The following PDE4B variants were observed in gnomAD, a reference collection of about 807,000 sequenced individuals.
PDE4B encodes the protein 3',5'-cyclic-AMP phosphodiesterase 4B.
Under a neutral mutation model 82.2 loss-of-function variants are expected in PDE4B, and 20 were observed. The ratio of observed to expected loss-of-function variants is 0.24; its 90% CI spans 0.17 to 0.35. PDE4B has a LOEUF of 0.35. Among genes scored for constraint, PDE4B ranks in the 10% least tolerant of loss-of-function variants. The probability of loss-of-function intolerance (pLI) is 1.00; values close to 1 mark genes in which losing one functional copy is unlikely to be tolerated. For synonymous variants in PDE4B, 320 were observed against 318.9 expected (o/e 1.00, Z -0.04); for missense variants, 655 against 907.2 (o/e 0.72, Z 3.57).
chr1:65,854,409 C>T (rs545562342), intron 1 of PDE4B, among the ~76,000 whole-genome samples: 9 of 151,172 alleles, frequency 6.0e-5, no homozygotes, highest in East Asian at 3.9e-4. Flanking sequence ...CTTTCTTTAA[C>T]GTATCCTATA....
At chr1:65,815,021 TTTTATTTATTTATTTATTTA>T (rs138553972) in intron 1 of PDE4B, among the ~76,000 whole-genome samples, 155 of 145,186 alleles carry the variant, frequency 1.1e-3, no homozygotes, top group Middle Eastern at 7.1e-3. Flanking sequence ...TCAACACACA[TTTTATTTATTTATTTATTTA>T]TTTATTTATT....
intron 3 of PDE4B, among the ~76,000 whole-genome samples, chr1:65,994,500 A>G (rs990028722): frequency 3.6e-4 from 2 of 5,626 alleles, no homozygotes; most frequent in South Asian, 0.25. Flanking sequence ...CCTACTAATG[A>G]TGGTAACATT....
intron 3 of PDE4B, among the ~76,000 whole-genome samples, chr1:65,972,894 C>A (rs1650218115): frequency 6.6e-6 from 1 of 152,136 alleles, no homozygotes; most frequent in South Asian, 2.1e-4. Context: ...TTGGGCCATG[C>A]ATAGAGTTGA....
chr1:66,257,996 GA>G, intron 6 of PDE4B, 133 bp downstream of exon 6: 1 of 638,902 alleles, frequency 1.6e-6, no homozygotes, highest in East Asian at 2.7e-5. Context: ...AATAAAATTT[GA>G]AAACAGGATG....
chr1:66,005,255 T>A (rs1557491338), intron 3 of PDE4B, among the ~76,000 whole-genome samples: 1 of 150,744 alleles, frequency 6.6e-6, no homozygotes, highest in Non-Finnish European at 1.5e-5. Context: ...GACTAAGTGG[T>A]ACCTTAAGAT....
intron 10 of PDE4B, among the ~76,000 whole-genome samples, chr1:66,362,553 A>G (rs991501243): frequency 2.2e-4 from 34 of 152,206 alleles, no homozygotes; most frequent in Non-Finnish European, 3.8e-4. Context: ...GAATGAAATA[A>G]ATTGGTCCTT....
intron 3 of PDE4B, among the ~76,000 whole-genome samples, chr1:66,239,252 G>A (rs1200809847): frequency 6.6e-6 from 1 of 152,130 alleles, no homozygotes; most frequent in Non-Finnish European, 1.5e-5. Context: ...AATATTGAGC[G>A]AGTAGAATAT....
intron 1 of PDE4B, among the ~76,000 whole-genome samples, chr1:65,804,786 C>T (rs1645735259): frequency 6.6e-6 from 1 of 152,068 alleles, no homozygotes; most frequent in African/African-American, 2.4e-5. Flanking sequence ...AGTGGGAGCT[C>T]TCTGACCTGC....
At chr1:66,048,422 A>G (rs1348223924) in intron 3 of PDE4B, among the ~76,000 whole-genome samples, 1 of 151,974 alleles carries the variant, frequency 6.6e-6, no homozygotes. Context: ...GATGCTGGTG[A>G]AAAATCTTGA....
intron 3 of PDE4B, among the ~76,000 whole-genome samples, chr1:66,170,900 G>A (rs1646824716): frequency 6.6e-6 from 1 of 152,138 alleles, no homozygotes; most frequent in African/African-American, 2.4e-5. Flanking sequence ...AAGCAGAGGA[G>A]TATGGCCATA....
chr1:65,880,111 A>C (rs924186346), intron 1 of PDE4B, among the ~76,000 whole-genome samples: 3 of 152,174 alleles, frequency 2.0e-5, no homozygotes, highest in African/African-American at 7.2e-5. Flanking sequence ...GCTAGATTTG[A>C]AGTCTGGCCA....
intron 3 of PDE4B, among the ~76,000 whole-genome samples, chr1:66,155,623 G>T (rs917942963): frequency 1.3e-5 from 2 of 150,778 alleles, no homozygotes; most frequent in Non-Finnish European, 3.0e-5. Flanking sequence ...ATATATACAT[G>T]TGTATATATC....
intron 3 of PDE4B, among the ~76,000 whole-genome samples, chr1:65,945,615 T>G (rs1648673694): frequency 6.6e-6 from 1 of 152,004 alleles, no homozygotes; most frequent in South Asian, 2.1e-4. Context: ...CAGCAGTTAC[T>G]AAATCAGCTT....
intron 1 of PDE4B, among the ~76,000 whole-genome samples, chr1:65,899,700 C>G (rs1175415087): frequency 6.7e-6 from 1 of 148,958 alleles, no homozygotes; most frequent in Non-Finnish European, 1.5e-5. Flanking sequence ...AGTACTCAGC[C>G]ATAAAAAGGA....
chr1:66,284,114 T>C (rs575830367), intron 7 of PDE4B, among the ~76,000 whole-genome samples: 209 of 152,286 alleles, frequency 1.4e-3, no homozygotes, highest in African/African-American at 4.9e-3. Flanking sequence ...AATAAGAATT[T>C]TTCAGAAGCA....
At chr1:65,810,840 A>G (rs1234496155) in intron 1 of PDE4B, among the ~76,000 whole-genome samples, 1 of 152,090 alleles carries the variant, frequency 6.6e-6, no homozygotes, top group East Asian at 1.9e-4. Context: ...CCCCCTTTTC[A>G]TGCAAATATA....
At chr1:66,095,451 G>A (rs1645096991) in intron 3 of PDE4B, among the ~76,000 whole-genome samples, 1 of 151,856 alleles carries the variant, frequency 6.6e-6, no homozygotes, top group Admixed American at 6.6e-5. Flanking sequence ...GTGTCACATA[G>A]CTAATAGTGG....
intron 7 of PDE4B, among the ~76,000 whole-genome samples, chr1:66,295,414 A>C (rs1306720485): frequency 3.3e-5 from 5 of 152,002 alleles, no homozygotes; most frequent in Non-Finnish European, 7.4e-5. Flanking sequence ...ATTATATTTT[A>C]TTCCATTCTA....
intron 1 of PDE4B, among the ~76,000 whole-genome samples, chr1:65,847,231 T>C (rs77693582): frequency 6.6e-6 from 1 of 152,236 alleles, no homozygotes; most frequent in South Asian, 2.1e-4. Context: ...ACATTTTCCA[T>C]GGGCTCATTT....
Sources: gnomAD v4.1 joint callset for allele counts (sites outside exome capture counted in the v4.1 genomes callset) on GRCh38, gnomAD v4.1.1 for gene constraint, MANE v1.5 for transcripts, NCBI Gene and HGNC (gene_info 2026-07-23, HGNC 2026-07-21) for gene names.